PTPRN2: variants seen among roughly 807,000 people sequenced by gnomAD.
PTPRN2 encodes the protein protein tyrosine phosphatase receptor type N2.
PTPRN2 carries 74 observed loss-of-function variants against 118.8 expected under a neutral mutation model. The observed-to-expected ratio is 0.62, with a 90% CI of 0.52 to 0.76. PTPRN2 has a LOEUF of 0.76. Ranked by LOEUF, PTPRN2 falls within the 30% of genes least tolerant of loss-of-function variation. PTPRN2 has a pLI of 0.00. For missense variants in PTPRN2, 1,481 were observed against 1,394.4 expected (o/e 1.06, Z -0.99); for synonymous variants, 641 against 608.0 (o/e 1.05, Z -0.80).
rs540760707 is a variant in PTPRN2, at chr7:158,375,784, TGTCAAGAGGA to T, written c.164-58862_164-58853del. On this transcript the variant is annotated intron_variant, in intron 2 of 22. Coordinates refer to ENST00000389418, the MANE Select transcript of PTPRN2 (RefSeq NM_002847.5). ...GGAGAGAAGAGAAGGAGCGTGTGAA[TGTCAAGAGGA>T]GTTCGGCTGGGGACAGTCAGAAAGG... Among the ~76,000 whole-genome samples, 241 of 151,998 alleles carry T rather than the reference TGTCAAGAGGA, an allele frequency of 1.6e-3. 1 individual carries two copies. Among genetic ancestry groups the T allele is most frequent in the African/African-American group, 5.3e-3 (221 of 41,452 alleles).
At chr7:158,111,214 G>A (rs923721374) in intron 9 of PTPRN2, among the ~76,000 whole-genome samples, 6 of 152,224 alleles carry the variant, frequency 3.9e-5, no homozygotes, top group South Asian at 2.1e-4. Flanking sequence ...AGGCAGGTGC[G>A]GCGGATGCTG....
chr7:157,662,248 T>C (rs1404881342), intron 13 of PTPRN2, among the ~76,000 whole-genome samples: 1 of 152,198 alleles, frequency 6.6e-6, no homozygotes, highest in African/African-American at 2.4e-5. Context: ...AGAGTGAGGC[T>C]TTGGGCCTGT....
chr7:157,875,355 C>T (rs1370862510), intron 12 of PTPRN2, among the ~76,000 whole-genome samples: 3 of 152,188 alleles, frequency 2.0e-5, no homozygotes, highest in Non-Finnish European at 2.9e-5. Flanking sequence ...CTCCTATCAG[C>T]GTCCGTATTC....
intron 12 of PTPRN2, among the ~76,000 whole-genome samples, chr7:157,843,249 C>A (rs1351397967): frequency 6.6e-6 from 1 of 152,130 alleles, no homozygotes; most frequent in South Asian, 2.1e-4. Flanking sequence ...ATGAAATACA[C>A]AAAAAGGTAA....
intron 21 of PTPRN2, among the ~76,000 whole-genome samples, chr7:157,561,774 C>G (rs1190744743): frequency 6.6e-6 from 1 of 152,252 alleles, no homozygotes; most frequent in African/African-American, 2.4e-5. Context: ...CTGCTCTCCA[C>G]CACCCTGCAG....
intron 11 of PTPRN2, among the ~76,000 whole-genome samples, chr7:157,950,631 G>C (rs986411567): frequency 3.2e-4 from 49 of 152,292 alleles, no homozygotes; most frequent in African/African-American, 1.1e-3. Context: ...TGTGATTTCT[G>C]CTTCTGGTGG....
At position 157,862,445 on chromosome 7, in the gene PTPRN2, TTTAA is replaced by T. The variant is rs1199546938; in HGVS notation, c.1788+36224_1788+36227del. 5.3e-5 allele frequency: 8 copies of T among 152,378 alleles called. No individual in the cohort carries two copies. In the South Asian group the frequency reaches 8.3e-4, roughly 16 times the overall value. 9.4% of individuals were successfully genotyped at this position (152,378 alleles called of 1,614,324 possible). On this transcript the variant is annotated intron_variant, in intron 12 of 22. Transcript: ENST00000389418. ...TAATTTGCTGTACACCACCGGCTTA[TTTAA>T]TTGTTGTGCATTTATTGTATTTCTC...
At chr7:158,336,323 G>A (rs1392445069) in intron 2 of PTPRN2, among the ~76,000 whole-genome samples, 1 of 141,310 alleles carries the variant, frequency 7.1e-6, no homozygotes, top group East Asian at 2.2e-4. Flanking sequence ...CTCACCATAA[G>A]AGGTGACACC....
chr7:158,131,077 AT>A (rs1818209792), intron 9 of PTPRN2, among the ~76,000 whole-genome samples: 4 of 20,438 alleles, frequency 2.0e-4, no homozygotes, highest in African/African-American at 1.5e-3. Context: ...ACACACACTT[AT>A]ACACACACGC....
intron 17 of PTPRN2, among the ~76,000 whole-genome samples, chr7:157,579,564 G>A (rs924484129): frequency 1.3e-5 from 2 of 152,134 alleles, no homozygotes; most frequent in South Asian, 2.1e-4. Flanking sequence ...CTAATCATCC[G>A]GCACTCGGCT....
At chr7:158,332,011 CA>C (rs1478071697) in intron 2 of PTPRN2, among the ~76,000 whole-genome samples, 1 of 151,154 alleles carries the variant, frequency 6.6e-6, no homozygotes, top group East Asian at 1.9e-4. Context: ...TAAGAGCTGA[CA>C]ACCGCAAACG....
At chr7:158,434,965 T>C (rs1816476666) in intron 2 of PTPRN2, among the ~76,000 whole-genome samples, 1 of 152,206 alleles carries the variant, frequency 6.6e-6, no homozygotes, top group Admixed American at 6.5e-5. Context: ...AAAAATGGAT[T>C]CATGCCTTAA....
intron 10 of PTPRN2, among the ~76,000 whole-genome samples, chr7:158,082,408 C>A (rs1235243170): frequency 6.6e-6 from 1 of 152,190 alleles, no homozygotes; most frequent in Non-Finnish European, 1.5e-5. Context: ...GCTCATGATA[C>A]CTCAGTCCCA....
rs1806913590 is a variant in PTPRN2 at position 158,022,003 on chromosome 7, GC to G, written c.1723+59294del. Among the ~76,000 whole-genome samples the G allele has an allele frequency of 6.6e-6, 1 of 152,156 alleles. No individual in the cohort carries two copies. The highest frequency in any genetic ancestry group is 2.1e-4 in the South Asian group (1 of 4,832). On this transcript the variant is annotated intron_variant, in intron 11 of 22. Transcript: ENST00000389418. This position sits in a 1 kb window ranked among gnomAD's most constrained non-coding sequence, Gnocchi z 4.6. ...GCTACTGCCCTGGCTGAGCCGGGCA[GC>G]CTCGCCCATCCACCATGAGGCGAGA...
chr7:158,145,627 C>T (rs1277268670), intron 6 of PTPRN2, among the ~76,000 whole-genome samples: 2 of 152,220 alleles, frequency 1.3e-5, no homozygotes, highest in Non-Finnish European at 2.9e-5. Flanking sequence ...CCAGGCTTGG[C>T]GTGGAGCTGC....
At chr7:158,542,929 G>A (rs1240993717) in intron 1 of PTPRN2, among the ~76,000 whole-genome samples, 1 of 152,138 alleles carries the variant, frequency 6.6e-6, no homozygotes, top group Non-Finnish European at 1.5e-5. Context: ...GGAGATGGGG[G>A]AGCCGCAGAG....
intron 2 of PTPRN2, among the ~76,000 whole-genome samples, chr7:158,396,250 C>G (rs1436486345): frequency 1.3e-5 from 2 of 152,214 alleles, no homozygotes; most frequent in Non-Finnish European, 2.9e-5. Flanking sequence ...TTTTCACACA[C>G]ACACACAAAG....
At chr7:157,564,085 C>T (rs772027785) in intron 21 of PTPRN2, among the ~76,000 whole-genome samples, 27 of 152,084 alleles carry the variant, frequency 1.8e-4, no homozygotes, top group Non-Finnish European at 3.4e-4. Context: ...TCTTTGTGAC[C>T]TTGGATTTGG....
rs1471370981 is a variant in PTPRN2 at position 157,632,954 on chromosome 7, G to A, written c.2197-11445C>T. Among the ~76,000 whole-genome samples, 1 of 152,094 alleles carries A rather than the reference G, an allele frequency of 6.6e-6. No individual in the cohort carries two copies. The highest frequency in any genetic ancestry group is 6.5e-5 in the Admixed American group (1 of 15,272). ...GCCTCATCTGGTTTTGGGACAGAGGGCTAAGAGCTGCTGTCATTTCTGTCG... is the reference window on the plus strand; with the variant it reads ...GCCTCATCTGGTTTTGGGACAGAGGACTAAGAGCTGCTGTCATTTCTGTCG... On this transcript the variant is annotated intron_variant, in intron 14 of 22. Coordinates refer to ENST00000389418, the MANE Select transcript of PTPRN2 (RefSeq NM_002847.5). The surrounding 1 kb of genome is among the most constrained non-coding windows in gnomAD (Gnocchi z 4.3).
Sources: allele counts gnomAD v4.1 joint callset (sites outside exome capture counted in the v4.1 genomes callset), GRCh38; gene constraint gnomAD v4.1.1; non-coding constraint Gnocchi (gnomAD v3.1); transcripts MANE v1.5; gene names NCBI Gene and HGNC (gene_info 2026-07-23, HGNC 2026-07-21).